Variants in IFI44L observed in about 807,000 individuals in gnomAD.
IFI44L encodes interferon-induced protein 44-like.
In IFI44L, 40 loss-of-function variants were observed where a neutral mutation model predicts 39.3. That is an observed-to-expected ratio of 1.02 (90% CI 0.79 to 1.33). The LOEUF is 1.33. Ranked by LOEUF, IFI44L falls within the 40% of genes most tolerant of loss-of-function variation. IFI44L has a pLI of 0.00. For missense variants in IFI44L, 623 were observed against 549.0 expected, an observed-to-expected ratio of 1.13 and a Z score of -1.35; for synonymous variants, 198 against 182.3, an observed-to-expected ratio of 1.09 and a Z score of -0.69.
intron 1 of IFI44L, chr1:78,625,604 C>G (rs1652455091): frequency 6.6e-6 from 1 of 151,826 alleles, no homozygotes; most frequent in Admixed American, 6.6e-5. Context: ...TTAATCTTCT[C>G]TATTGTATAC....
In IFI44L at chr1:78,628,051, C is replaced by T. The variant is rs1391612787; in HGVS notation, c.136C>T (p.Arg46Cys). 3.1e-6 allele frequency: 5 copies of T among 1,613,024 alleles called. No homozygotes were observed. Among genetic ancestry groups the T allele is most frequent in the East Asian group, 2.2e-5 (1 of 44,772 alleles). The change falls in exon 2 of 9, where the codon CGT becomes TGT. Residue 46 changes from arginine to cysteine, a missense_variant. Physicochemically the swap from Arg to Cys is radical, Grantham distance 180. Transcript: ENST00000370751. ...TGAAGATATGGTTGAAAGATGCAGCCGTCAGGGATGTACTATAACAATGGC... is the reference window on the plus strand; with the variant it reads ...TGAAGATATGGTTGAAAGATGCAGCTGTCAGGGATGTACTATAACAATGGC... The part of the protein sequence containing the change: ...SIEDMVERCS[R>C]QGCTITMAYI...
At chr1:78,631,367 C>G (rs1299974125) in intron 4 of IFI44L, 1 of 152,106 alleles carries the variant, frequency 6.6e-6, no homozygotes, top group Admixed American at 6.6e-5. Context: ...GTCCTATTCT[C>G]CTAGATAAAA....
intron 3 of IFI44L, 66 bp downstream of exon 3, chr1:78,629,065 C>A: frequency 2.1e-6 from 2 of 954,526 alleles, no homozygotes; most frequent in Non-Finnish European, 3.4e-6. Flanking sequence ...AGAATGCTGA[C>A]AAATATGTGG....
chr1:78,637,601 T>C (rs1652998525), intron 6 of IFI44L, among the ~76,000 whole-genome samples: 1 of 152,106 alleles, frequency 6.6e-6, no homozygotes, highest in Non-Finnish European at 1.5e-5. Flanking sequence ...CTTTGTAGAT[T>C]TCCCTCATGG....
chr1:78,640,032 G>GTAGTGAACATTAGAT (rs1381214973), intron 6 of IFI44L, among the ~76,000 whole-genome samples: 12 of 152,200 alleles, frequency 7.9e-5, no homozygotes, highest in Non-Finnish European at 1.8e-4. Flanking sequence ...AAAAGTCTGA[G>GTAGTGAACATTAGAT]TAGTGAACAT....
chr1:78,631,946 A>G (rs1652764970), intron 4 of IFI44L, among the ~76,000 whole-genome samples: 1 of 152,150 alleles, frequency 6.6e-6, no homozygotes, highest in Non-Finnish European at 1.5e-5. Context: ...AAAAAATGCC[A>G]GTTTTACTCC....
chr1:78,643,025 C>T lies in IFI44L; in HGVS notation c.*1216C>T, dbSNP rs1647005896. 6.6e-6 allele frequency: 1 copy of T among 151,930 alleles called. No individual in the cohort carries two copies. Among genetic ancestry groups the T allele is most frequent in the Non-Finnish European group, 1.5e-5 (1 of 67,978 alleles). 9.4% of individuals were successfully genotyped at this position (151,930 alleles called of 1,614,324 possible). On this transcript the variant is annotated 3_prime_UTR_variant, in exon 9 of 9. Coordinates refer to ENST00000370751, the MANE Select transcript of IFI44L (RefSeq NM_006820.4). ...CTTAAAGACTTCCTAATTCTCTTCT[C>T]CAAATTCTTAGTCTTCTTCAAAATA...
chr1:78,629,902 G>A lies in IFI44L; in HGVS notation c.710G>A (p.Ser237Asn), dbSNP rs1453499871. 5 of 1,612,228 alleles carry A rather than the reference G, an allele frequency of 3.1e-6. No homozygotes were observed. Among genetic ancestry groups the A allele is most frequent in the Non-Finnish European group, 3.4e-6 (4 of 1,178,970 alleles). The part of the protein sequence containing the change: ...GQAVVGSDIT[S>N]ITERYRIYSV... ...GCCGTAGTGGGGTCTGATATCACCA[G>A]CATAACCGAGCGGGTAAGTTATTTC... The change falls in exon 4 of 9, where the codon AGC becomes AAC. Residue 237 changes from serine (S) to asparagine (N), a missense_variant. Ser to Asn is a conservative substitution (Grantham distance 46). Transcript: ENST00000370751.
chr1:78,629,753 C>G lies in IFI44L; in HGVS notation c.561C>G (p.Asp187Glu). 1 of 1,613,630 alleles carries G rather than the reference C, an allele frequency of 6.2e-7. No homozygotes were observed. The highest frequency in any genetic ancestry group is 8.5e-7 in the Non-Finnish European group (1 of 1,179,698). ...ATAGGCTTCTAGCAGACATCAGAGA[C>G]TATAGGCCCTATGCAGACTTGGTTT... ...HRNRLLADIR[D>E]YRPYADLVSE... The change falls in exon 4 of 9, where the codon GAC becomes GAG. Residue 187 changes from aspartate to glutamate, a missense_variant. Asp to Glu is a conservative substitution (Grantham distance 45, BLOSUM62 2). Coordinates refer to ENST00000370751, the MANE Select transcript of IFI44L (RefSeq NM_006820.4).
chr1:78,629,666 T>A (rs1265328487), intron 3 of IFI44L, 54 bp from the exon 4 acceptor site: 1 of 1,334,424 alleles, frequency 7.5e-7, no homozygotes, highest in East Asian at 2.4e-5. Flanking sequence ...ATGTTCTTTA[T>A]GGTATTCTTT....
chr1:78,635,459 C>A lies in IFI44L; in HGVS notation c.846C>A (p.Ile282=), dbSNP rs1802974. Residue 282 remains isoleucine (I), a synonymous_variant, in exon 5 of 9, where the codon ATC becomes ATA. Transcript: ENST00000370751. ...TGTGCATGGATGACATTCCCCACAT[C>A]TTAAAAGGTTGTATGCCAGACAGAT... ...AGLCMDDIPH[I]LKGCMPDRYQ... 1 of 1,613,350 alleles carries A rather than the reference C, an allele frequency of 6.2e-7. No homozygotes were observed. The highest frequency in any genetic ancestry group is 8.5e-7 in the Non-Finnish European group (1 of 1,179,632).
intron 6 of IFI44L, 71 bp downstream of exon 6, chr1:78,637,274 A>G: frequency 8.5e-7 from 1 of 1,172,468 alleles, no homozygotes; most frequent in Non-Finnish European, 1.2e-6. Flanking sequence ...TTGCAAAGAG[A>G]GTACAGAGAT....
Position 78,645,300 on chromosome 1 carries a change from A to G in IFI44L, c.*3491A>G, listed in dbSNP as rs891767419. On this transcript the variant is annotated 3_prime_UTR_variant, in exon 9 of 9. Transcript: ENST00000370751. ...TGTTCAGGACAACTTGTCTCCATAC[A>G]GTTGGGTTGTAACCCTCATGCTTGG... 1.3e-5 allele frequency: 2 copies of G among 152,190 alleles called. No individual in the cohort carries two copies. The highest frequency in any genetic ancestry group is 4.8e-5 in the African/African-American group (2 of 41,430). The allele number at this position is 152,190 out of a possible 1,614,324, so 9.4% of individuals were successfully genotyped here.
intron 5 of IFI44L, chr1:78,635,863 T>C: frequency 4.7e-6 from 1 of 211,964 alleles, no homozygotes; most frequent in South Asian, 7.4e-5. Flanking sequence ...AATGTCATTT[T>C]ATACTGTAAA....
chr1:78,626,043 A>G (rs988539038), intron 1 of IFI44L: 2 of 151,746 alleles, frequency 1.3e-5, no homozygotes, highest in Non-Finnish European at 1.5e-5. Flanking sequence ...TATCTCTTCT[A>G]TATTCTTTTT....
At chr1:78,635,758 T>C (rs1253680236) in intron 5 of IFI44L, 1 of 429,778 alleles carries the variant, frequency 2.3e-6, no homozygotes, top group East Asian at 4.9e-5. Flanking sequence ...TTTATCACTC[T>C]TTACAATAAT....
Position 78,628,020 on chromosome 1 carries a change from T to C in IFI44L, c.105T>C (p.Gly35=), listed in dbSNP as rs375897500. 6 of 1,613,028 alleles carry C rather than the reference T, an allele frequency of 3.7e-6. No individual in the cohort carries two copies. The highest frequency in any genetic ancestry group is 2.2e-5 in the East Asian group (1 of 44,802). Residue 35 remains glycine (G), a synonymous_variant, in exon 2 of 9, where the codon GGT becomes GGC. Coordinates refer to ENST00000370751, the MANE Select transcript of IFI44L (RefSeq NM_006820.4). ...TCTATAAGTCTAGTGTTCATGGAGG[T>C]AGCATTGAAGATATGGTTGAAAGAT... ...SLLYKSSVHG[G]SIEDMVERCS...
chr1:78,624,211 G>C (rs1487550798), intron 1 of IFI44L, among the ~76,000 whole-genome samples: 1 of 152,078 alleles, frequency 6.6e-6, no homozygotes, highest in Non-Finnish European at 1.5e-5. Context: ...GGCCAGGCTG[G>C]TCTCAGACTC....
In IFI44L at chr1:78,628,204, G is replaced by T. The variant is rs1381754339; in HGVS notation, c.289G>T (p.Glu97Ter). 1.9e-6 allele frequency: 3 copies of T among 1,612,708 alleles called. No individual in the cohort carries two copies. ...LQKKNDTTEIETLLLNTAPKI... is the reference protein window; with the variant it reads ...LQKKNDTTEI ...AAAGAAAAATGACACCACTGAAATA[G>T]AAACTTTACTCTTAAATACAGCACC... The change falls in exon 2 of 9, where the codon GAA (glutamate) becomes TAA (stop). Residue 97 changes from glutamate to a stop codon, truncating the protein, a stop_gained. Coordinates refer to ENST00000370751, the MANE Select transcript of IFI44L (RefSeq NM_006820.4). LOFTEE classifies it high-confidence loss of function.
Sources: allele counts gnomAD v4.1 joint callset (sites outside exome capture counted in the v4.1 genomes callset), GRCh38; gene constraint gnomAD v4.1.1; transcripts MANE v1.5; gene names NCBI Gene and HGNC (gene_info 2026-07-23, HGNC 2026-07-21).